The following TMC2 variants were observed in gnomAD, a reference collection of about 807,000 sequenced individuals.
TMC2 encodes the protein transmembrane channel like 2.
A neutral mutation model predicts 105.9 loss-of-function variants in TMC2; 102 were observed. The observed-to-expected ratio is 0.96, with a 90% CI of 0.82 to 1.14. The LOEUF (loss-of-function observed/expected upper bound fraction) is 1.14, where lower values mean the gene tolerates loss of function less well. TMC2 is among the 50% of genes most tolerant of loss of function. The pLI, the probability that TMC2 is intolerant of heterozygous loss-of-function variation, is 0.00. For synonymous variants in TMC2, 402 were observed against 422.8 expected, an observed-to-expected ratio of 0.95 and a Z score of 0.60; for missense variants, 1,093 against 1,134.3, an observed-to-expected ratio of 0.96 and a Z score of 0.52.
chr20:2,594,163 T>C (rs1358628706), intron 8 of TMC2, among the ~76,000 whole-genome samples: 1 of 151,728 alleles, frequency 6.6e-6, no homozygotes, highest in African/African-American at 2.4e-5. Flanking sequence ...AAAGTCAGAT[T>C]GGAGACCCTT....
intron 10 of TMC2, among the ~76,000 whole-genome samples, chr20:2,600,709 A>G (rs1244565593): frequency 6.6e-6 from 1 of 152,182 alleles, no homozygotes; most frequent in African/African-American, 2.4e-5. Context: ...CTGTAGTTCC[A>G]GCTACTTGGG....
chr20:2,599,594 A>G lies in TMC2; in HGVS notation c.1224+2296A>G, dbSNP rs115875293. On this transcript the variant is annotated intron_variant, in intron 10 of 19. Coordinates refer to ENST00000358864, the MANE Select transcript of TMC2 (RefSeq NM_080751.3). ...AAGGTCTCACTCTGGCTGGAGTGCC[A>G]TGCCCAGTTAAATTTTTCTATTTTT... 8.0e-3 allele frequency among the ~76,000 whole-genome samples: 921 copies of G among 115,378 alleles called. 15 individuals carry two copies. Among genetic ancestry groups the G allele is most frequent in the African/African-American group, 0.03 (865 of 29,276 alleles). The allele number at this position is 115,378 out of a possible 152,430, so 75.7% of individuals were successfully genotyped here. A position where few individuals can be genotyped will look rare whatever the true frequency, so the allele number is the denominator to read the frequency against.
At chr20:2,636,490 A>G (rs972476864) in intron 18 of TMC2, among the ~76,000 whole-genome samples, 1 of 151,076 alleles carries the variant, frequency 6.6e-6, no homozygotes, top group African/African-American at 2.4e-5. Flanking sequence ...ACACACACAC[A>G]CACGCACACA....
At chr20:2,615,568 C>T (rs766834066) in intron 14 of TMC2, among the ~76,000 whole-genome samples, 2 of 152,172 alleles carry the variant, frequency 1.3e-5, no homozygotes, top group African/African-American at 4.8e-5. Context: ...GGACAAATCA[C>T]GAAAACTGCA....
At chr20:2,589,593 T>C (rs2086254968) in intron 7 of TMC2, among the ~76,000 whole-genome samples, 1 of 152,124 alleles carries the variant, frequency 6.6e-6, no homozygotes, top group Non-Finnish European at 1.5e-5. Flanking sequence ...AAGTCATGAT[T>C]GTCCACTTGT....
chr20:2,622,035 A>G, intron 16 of TMC2, among the ~76,000 whole-genome samples: 1 of 152,030 alleles, frequency 6.6e-6, no homozygotes, highest in African/African-American at 2.4e-5. Context: ...GGAAATAAAA[A>G]TAATAATAAT....
rs71193979 is a variant in TMC2 at position 2,598,394 on chromosome 20, CTTTATTTATTTA to C, written c.1224+1123_1224+1134del. Among the ~76,000 whole-genome samples, 8 of 139,958 alleles carry C rather than the reference CTTTATTTATTTA, an allele frequency of 5.7e-5. No homozygotes were observed. In the East Asian group the frequency reaches 6.4e-4, roughly 11 times the overall value. The allele number at this position is 139,958 out of a possible 152,430, so 91.8% of individuals were successfully genotyped here. A position where few individuals can be genotyped will look rare whatever the true frequency, so the allele number is the denominator to read the frequency against. On this transcript the variant is annotated intron_variant, in intron 10 of 19. Transcript: ENST00000358864. ...GGTTCCTTCACAGACCTTGCCTCTA[CTTTATTTATTTA>C]TTTATTTATTTATTTATTTATTTAT...
intron 4 of TMC2, among the ~76,000 whole-genome samples, chr20:2,568,286 T>G (rs1390226960): frequency 6.6e-6 from 1 of 152,096 alleles, no homozygotes; most frequent in East Asian, 1.9e-4. Context: ...ACAAGAAACT[T>G]CTCATCAGAA....
At chr20:2,586,164 C>T (rs1337965696) in intron 7 of TMC2, among the ~76,000 whole-genome samples, 2 of 152,218 alleles carry the variant, frequency 1.3e-5, no homozygotes, top group Non-Finnish European at 2.9e-5. Flanking sequence ...CACTCTAAAT[C>T]AGTAGTTCAG....
intron 7 of TMC2, among the ~76,000 whole-genome samples, chr20:2,586,798 A>G (rs1218525831): frequency 2.0e-5 from 3 of 152,196 alleles, no homozygotes; most frequent in Non-Finnish European, 2.9e-5. Flanking sequence ...TTCAAATGAC[A>G]TCAGTAACAC....
At chr20:2,602,035 T>C in intron 10 of TMC2, 78 bp from the exon 11 acceptor site, 1 of 976,298 alleles carries the variant, frequency 1.0e-6, no homozygotes, top group Non-Finnish European at 1.5e-6. Flanking sequence ...TAGAAAGTAC[T>C]ATTTTCAGGG....
rs200730037 is a variant in TMC2, at chr20:2,612,223, T to C, written c.1626T>C (p.Thr542=). The change falls in exon 13 of 20, where the codon ACT becomes ACC. Residue 542 remains threonine (T), a synonymous_variant. Coordinates refer to ENST00000358864, the MANE Select transcript of TMC2 (RefSeq NM_080751.3). The part of the protein sequence containing the change: ...LANEETIKNI[T]HWTLFNYYNS... ...ATGAAGAGACAATAAAGAACATCAC[T>C]CACTGGACTCTGTTTAACTATTACA... 1.6e-5 allele frequency: 26 copies of C among 1,611,060 alleles called. No individual in the cohort carries two copies. The African/African-American group carries it at 3.2e-4, about 20-fold the overall frequency.
intron 7 of TMC2, among the ~76,000 whole-genome samples, chr20:2,585,446 C>T (rs540384152): frequency 2.6e-5 from 4 of 151,846 alleles, no homozygotes; most frequent in East Asian, 3.9e-4. Context: ...CCTATTTTTT[C>T]GCTGAATACA....
chr20:2,552,625 C>T (rs2085963601), intron 2 of TMC2, among the ~76,000 whole-genome samples: 1 of 152,128 alleles, frequency 6.6e-6, no homozygotes, highest in African/African-American at 2.4e-5. Flanking sequence ...AAGGGATCTT[C>T]CCACTTCAGT....
intron 5 of TMC2, 55 bp downstream of exon 5, chr20:2,572,324 C>A (rs2086110278): frequency 6.9e-7 from 1 of 1,444,646 alleles, no homozygotes; most frequent in Non-Finnish European, 9.7e-7. Flanking sequence ...GCTTTGGAAT[C>A]TGGCGACCAA....
intron 7 of TMC2, among the ~76,000 whole-genome samples, chr20:2,590,032 G>A (rs1044112061): frequency 6.6e-6 from 1 of 152,132 alleles, no homozygotes; most frequent in Admixed American, 6.6e-5. Context: ...AGTAGACTGT[G>A]TAAATACATT....
At chr20:2,611,119 A>C (rs560356759) in intron 12 of TMC2, among the ~76,000 whole-genome samples, 35 of 152,358 alleles carry the variant, frequency 2.3e-4, no homozygotes, top group African/African-American at 8.2e-4. Flanking sequence ...AGCCCAGGGC[A>C]GCATGGCAGT....
chr20:2,621,286 C>T (rs372312707), intron 16 of TMC2, among the ~76,000 whole-genome samples: 9 of 151,216 alleles, frequency 6.0e-5, no homozygotes, highest in African/African-American at 1.7e-4. Flanking sequence ...CGCTTGAACC[C>T]GGGAGGTGGA....
intron 10 of TMC2, among the ~76,000 whole-genome samples, chr20:2,598,122 A>G (rs551614049): frequency 5.9e-5 from 9 of 152,292 alleles, no homozygotes; most frequent in African/African-American, 2.2e-4. Flanking sequence ...GGCTGCGCCA[A>G]AATCTCAGAA....
Sources: allele counts gnomAD v4.1 joint callset (sites outside exome capture counted in the v4.1 genomes callset), GRCh38; gene constraint gnomAD v4.1.1; transcripts MANE v1.5; gene names NCBI Gene and HGNC (gene_info 2026-07-23, HGNC 2026-07-21).